SNN: variants seen among roughly 807,000 people sequenced by gnomAD.
The protein encoded by SNN is AG8_1.
In SNN, 5 loss-of-function variants were observed where a neutral mutation model predicts 5.3. The ratio of observed to expected loss-of-function variants is 0.94; its 90% CI spans 0.49 to 1.97. SNN has a LOEUF of 1.97. SNN is among the 30% of genes most tolerant of loss of function. SNN has a pLI of 0.01. For missense variants in SNN, 127 were observed against 121.6 expected, an observed-to-expected ratio of 1.04 and a Z score of -0.21; for synonymous variants, 67 against 52.1, an observed-to-expected ratio of 1.29 and a Z score of -1.24.
chr16:11,669,104 G>A (rs868707732), intron 1 of SNN, among the ~76,000 whole-genome samples: 5 of 152,294 alleles, frequency 3.3e-5, no homozygotes, highest in African/African-American at 1.2e-4. Flanking sequence ...CTCCCCAGCT[G>A]CCGTCCCCTC....
At chr16:11,669,301 CTA>C (rs1199438311) in intron 1 of SNN, among the ~76,000 whole-genome samples, 18 of 152,242 alleles carry the variant, frequency 1.2e-4, no homozygotes, top group Non-Finnish European at 7.3e-5. Context: ...GCTGTCACCC[CTA>C]AGTCCCCAGC....
At chr16:11,673,199 C>A (rs8191298) in intron 1 of SNN, among the ~76,000 whole-genome samples, 51,670 of 151,862 alleles carry the variant, frequency 0.34, 11,015 homozygotes, top group Non-Finnish European at 0.48. Context: ...GGAAGGCTGT[C>A]TGTGGGGTCA....
chr16:11,673,048 C>T (rs983949981), intron 1 of SNN, among the ~76,000 whole-genome samples: 1 of 152,126 alleles, frequency 6.6e-6, no homozygotes. Flanking sequence ...GGAGGGCAGG[C>T]ACCCCAGCAG....
intron 1 of SNN, among the ~76,000 whole-genome samples, chr16:11,670,826 G>A (rs904959204): frequency 8.5e-5 from 13 of 152,188 alleles, no homozygotes; most frequent in Non-Finnish European, 1.3e-4. Context: ...CAGACAAGCC[G>A]GGGTCCTGGG....
At chr16:11,675,649 T>C (rs2050296956) in intron 1 of SNN, among the ~76,000 whole-genome samples, 1 of 152,266 alleles carries the variant, frequency 6.6e-6, no homozygotes, top group Admixed American at 6.5e-5. Context: ...GAACACTGAG[T>C]TGGGGCTGGG....
rs1287189176 is a variant in SNN, at chr16:11,677,542, G to A, written c.*1216G>A. The A allele has an allele frequency of 6.0e-6, 1 of 167,008 alleles. No homozygotes were observed. The highest frequency in any genetic ancestry group is 6.5e-5 in the Admixed American group (1 of 15,284). 10.3% of individuals were successfully genotyped at this position (167,008 alleles called of 1,614,324 possible). ...TCCTGCCAGCCTGTGCTTGCGGCAG[G>A]GAGCCGGGGCAGGGCAGAGGTGAAC... On this transcript the variant is annotated 3_prime_UTR_variant, in exon 2 of 2. Transcript: ENST00000329565. The surrounding 1 kb of genome is among the most constrained non-coding windows in gnomAD (Gnocchi z 4.2).
In SNN at chr16:11,678,725, C is replaced by T; in HGVS notation, c.*2399C>T. The T allele has an allele frequency of 7.5e-6, 1 of 133,930 alleles. No individual in the cohort carries two copies. The highest frequency in any genetic ancestry group is 1.7e-5 in the Non-Finnish European group (1 of 57,398). 8.3% of individuals were successfully genotyped at this position (133,930 alleles called of 1,614,324 possible). ...GAAAATGCTTCTAGAATGAGTGAAC[C>T]ACATCATAGCTCTCACTGTTTTTTC... is the stretch of plus-strand genomic sequence containing the variant. On this transcript the variant is annotated 3_prime_UTR_variant, in exon 2 of 2. Coordinates refer to ENST00000329565, the MANE Select transcript of SNN (RefSeq NM_003498.6).
At position 11,672,598 on chromosome 16, in the gene SNN, G is replaced by A. The variant is rs2050272632; in HGVS notation, c.-85-3377G>A. 6.6e-6 allele frequency among the ~76,000 whole-genome samples: 1 copy of A among 152,186 alleles called. No individual in the cohort carries two copies. Among genetic ancestry groups the A allele is most frequent in the Non-Finnish European group, 1.5e-5 (1 of 68,022 alleles). ...CATTTTTGCAAAGATCGTTTCTCAG[G>A]AAACATTTGCTGAGTGAATGAAGGA... is the stretch of plus-strand genomic sequence containing the variant. On this transcript the variant is annotated intron_variant, in intron 1 of 1. Transcript: ENST00000329565. The surrounding 1 kb of genome is among the most constrained non-coding windows in gnomAD (Gnocchi z 6.0).
chr16:11,675,799 C>T (rs925745860), intron 1 of SNN, among the ~76,000 whole-genome samples, 176 bp from the exon 2 acceptor site: 3 of 152,196 alleles, frequency 2.0e-5, no homozygotes, highest in African/African-American at 4.8e-5. Context: ...CAGCAGCACT[C>T]GGGGTTTCAA....
chr16:11,670,246 T>G (rs904252056), intron 1 of SNN, among the ~76,000 whole-genome samples: 2 of 151,700 alleles, frequency 1.3e-5, no homozygotes, highest in Non-Finnish European at 2.9e-5. Flanking sequence ...GAAAGCCCCG[T>G]AGGGATGGCT....
Position 11,668,702 on chromosome 16 carries a change from A to C in SNN, c.-86+162A>C. Reference sequence around the variant, plus strand: ...CGGCCCGGCGGGCGCGGCTCGGGGGAGGGTCCGTTCCAGGGGCCGCGCCCG... The same window carrying C: ...CGGCCCGGCGGGCGCGGCTCGGGGGCGGGTCCGTTCCAGGGGCCGCGCCCG... On this transcript the variant is annotated intron_variant, in intron 1 of 1. Transcript: ENST00000329565. The surrounding 1 kb of genome is among the most constrained non-coding windows in gnomAD (Gnocchi z 6.8). 7.9e-6 allele frequency among the ~76,000 whole-genome samples: 1 copy of C among 126,460 alleles called. No homozygotes were observed. The highest frequency in any genetic ancestry group is 1.7e-5 in the Non-Finnish European group (1 of 59,248). The allele number at this position is 126,460 out of a possible 152,430, so 83.0% of individuals were successfully genotyped here.
Position 11,672,608 on chromosome 16 carries a change from C to G in SNN, c.-85-3367C>G, listed in dbSNP as rs1339496799. Among the ~76,000 whole-genome samples the G allele has an allele frequency of 6.6e-6, 1 of 152,148 alleles. No homozygotes were observed. The highest frequency in any genetic ancestry group is 2.4e-5 in the African/African-American group (1 of 41,426). On this transcript the variant is annotated intron_variant, in intron 1 of 1. Coordinates refer to ENST00000329565, the MANE Select transcript of SNN (RefSeq NM_003498.6). The surrounding 1 kb of genome is among the most constrained non-coding windows in gnomAD (Gnocchi z 6.0). ...AAGATCGTTTCTCAGGAAACATTTG[C>G]TGAGTGAATGAAGGAACAGATACGC...
rs1388230471 is a variant in SNN, at chr16:11,678,199, G to A, written c.*1873G>A. The A allele has an allele frequency of 6.0e-6, 1 of 166,356 alleles. No individual in the cohort carries two copies. Among genetic ancestry groups the A allele is most frequent in the East Asian group, 1.9e-4 (1 of 5,170 alleles). The allele number at this position is 166,356 out of a possible 1,614,324, so 10.3% of individuals were successfully genotyped here. A position where few individuals can be genotyped will look rare whatever the true frequency, so the allele number is the denominator to read the frequency against. On this transcript the variant is annotated 3_prime_UTR_variant, in exon 2 of 2. Coordinates refer to ENST00000329565, the MANE Select transcript of SNN (RefSeq NM_003498.6). ...GCTGGGTGGGCAGGACACGTGGTGG[G>A]GGCCACTGAAACCAGGCCTAGGAGG...
rs1382678432 is a variant in SNN, at chr16:11,676,304, A to G, written c.245A>G (p.Asn82Ser). ...VERKAKLMTP[N>S]GPEVHG ...AGAAAGGCCAAGCTGATGACTCCCA[A>G]CGGCCCGGAAGTCCACGGCTGAGCC... Residue 82 changes from asparagine to serine, a missense_variant, in exon 2 of 2, where the codon AAC becomes AGC. Asn to Ser is a conservative substitution (Grantham distance 46, BLOSUM62 1). Transcript: ENST00000329565. 3 of 1,613,790 alleles carry G rather than the reference A, an allele frequency of 1.9e-6. No homozygotes were observed. Among genetic ancestry groups the G allele is most frequent in the Non-Finnish European group, 2.5e-6 (3 of 1,179,738 alleles).
At chr16:11,675,260 T>C (rs1225618259) in intron 1 of SNN, among the ~76,000 whole-genome samples, 1 of 139,398 alleles carries the variant, frequency 7.2e-6, no homozygotes, top group African/African-American at 2.7e-5. Context: ...TTTTTTTTCT[T>C]TTTTTTTTTT....
chr16:11,669,743 G>T (rs962472117), intron 1 of SNN, among the ~76,000 whole-genome samples: 4 of 152,230 alleles, frequency 2.6e-5, no homozygotes, highest in Non-Finnish European at 1.5e-5. Flanking sequence ...GTGATTCACA[G>T]GGTGGGGGCA....
Position 11,678,868 on chromosome 16 carries a change from AAAT to A in SNN, c.*2543_*2545del. ...GCATTCAAGTTTTCTGACTAATAAGAAATTAAGCATTCATCCTTCGTATCACTG... is the reference window on the plus strand; with the variant it reads ...GCATTCAAGTTTTCTGACTAATAAGATAAGCATTCATCCTTCGTATCACTG... On this transcript the variant is annotated 3_prime_UTR_variant, in exon 2 of 2. Coordinates refer to ENST00000329565, the MANE Select transcript of SNN (RefSeq NM_003498.6). 1 of 281,704 alleles carries A rather than the reference AAAT, an allele frequency of 3.5e-6. No homozygotes were observed. Among genetic ancestry groups the A allele is most frequent in the Non-Finnish European group, 7.1e-6 (1 of 140,128 alleles). The allele number at this position is 281,704 out of a possible 1,614,324, so 17.5% of individuals were successfully genotyped here.
In SNN at chr16:11,676,512, C is replaced by CCTGGAGGCCG; in HGVS notation, c.*186_*187insCTGGAGGCCG. ...CTGTCCTGGGCTTCCCCTCGGCCTC[C>CCTGGAGGCCG]AGGTGAGGCTGCCCATTGCAGGCAC... On this transcript the variant is annotated 3_prime_UTR_variant, in exon 2 of 2. Coordinates refer to ENST00000329565, the MANE Select transcript of SNN (RefSeq NM_003498.6). The CCTGGAGGCCG allele has an allele frequency of 1.4e-6, 1 of 703,732 alleles. No individual in the cohort carries two copies. Among genetic ancestry groups the CCTGGAGGCCG allele is most frequent in the Non-Finnish European group, 2.4e-6 (1 of 420,562 alleles). The allele number at this position is 703,732 out of a possible 1,614,324, so 43.6% of individuals were successfully genotyped here.
At chr16:11,675,522 C>T (rs867694619) in intron 1 of SNN, among the ~76,000 whole-genome samples, 2 of 152,208 alleles carry the variant, frequency 1.3e-5, no homozygotes, top group Non-Finnish European at 2.9e-5. Context: ...CGGCCTCAGC[C>T]TTCCAAAGTG....
Sources: allele counts gnomAD v4.1 joint callset (sites outside exome capture counted in the v4.1 genomes callset), GRCh38; gene constraint gnomAD v4.1.1; non-coding constraint Gnocchi (gnomAD v3.1); transcripts MANE v1.5; gene names NCBI Gene and HGNC (gene_info 2026-07-23, HGNC 2026-07-21).